Variants in SLMAP observed in about 807,000 individuals in gnomAD.
SLMAP encodes sarcolemmal membrane-associated protein.
A neutral mutation model predicts 128.8 loss-of-function variants in SLMAP; 44 were observed. The observed-to-expected ratio is 0.34, with a 90% CI of 0.27 to 0.44. The LOEUF is 0.44. SLMAP is among the 20% of genes least tolerant of loss of function. The pLI is 1.00. For missense variants in SLMAP, 787 were observed against 985.3 expected (o/e 0.80, Z 2.69); for synonymous variants, 327 against 348.8 (o/e 0.94, Z 0.70).
chr3:57,791,249 A>G (rs1255357858), intron 2 of SLMAP, among the ~76,000 whole-genome samples: 2 of 152,098 alleles, frequency 1.3e-5, no homozygotes, highest in East Asian at 1.9e-4. Flanking sequence ...AATTCCAGCT[A>G]CTTGGGAGGT....
At chr3:57,869,662 T>TATATATATATATATA (rs1560338689) in intron 13 of SLMAP, among the ~76,000 whole-genome samples, 5 of 113,372 alleles carry the variant, frequency 4.4e-5, no homozygotes, top group East Asian at 5.9e-4. Flanking sequence ...ATATATATAA[T>TATATATATATATATA]ATATATAAAC....
At chr3:57,803,472 CTG>C (rs1480339596) in intron 2 of SLMAP, among the ~76,000 whole-genome samples, 1 of 152,152 alleles carries the variant, frequency 6.6e-6, no homozygotes, top group African/African-American at 2.4e-5. Flanking sequence ...TTGGTCTAGT[CTG>C]TGTGCCAAGC....
chr3:57,909,047 A>G (rs1329062643), intron 18 of SLMAP, 29 bp from the exon 19 acceptor site: 2 of 1,488,630 alleles, frequency 1.3e-6, no homozygotes, highest in East Asian at 4.5e-5. Context: ...TCACAAAACT[A>G]TTAATAGATA....
intron 6 of SLMAP, 71 bp from the exon 7 acceptor site, chr3:57,857,662 T>C (rs1392112726): frequency 2.0e-6 from 2 of 1,002,866 alleles, no homozygotes; most frequent in African/African-American, 3.2e-5. Context: ...TAGAATATGC[T>C]GAAAATTGAT....
chr3:57,826,341 TC>T (rs1311746611), intron 2 of SLMAP, among the ~76,000 whole-genome samples: 1 of 152,200 alleles, frequency 6.6e-6, no homozygotes, highest in African/African-American at 2.4e-5. Flanking sequence ...AAGATACTAT[TC>T]TGCTCCTTAT....
rs564031330 is a variant in SLMAP, at chr3:57,887,507, C to A, written c.1301-2534C>A. ...CATTACAGGCATGAGCCACCATGCC[C>A]AGCCAAGCCATGAAATCTTAATGGC... is the stretch of plus-strand genomic sequence containing the variant. On this transcript the variant is annotated intron_variant, in intron 14 of 24. Transcript: ENST00000671191. Among the ~76,000 whole-genome samples, 9 of 152,262 alleles carry A rather than the reference C, an allele frequency of 5.9e-5. No homozygotes were observed. In the South Asian group the frequency reaches 1.9e-3, roughly 32 times the overall value.
chr3:57,854,610 A>G (rs2094681463), intron 6 of SLMAP, among the ~76,000 whole-genome samples: 1 of 152,166 alleles, frequency 6.6e-6, no homozygotes. Context: ...AAATAAAACA[A>G]AAATGTATAC....
chr3:57,846,089 C>A (rs1489447758), intron 4 of SLMAP, among the ~76,000 whole-genome samples: 1 of 152,200 alleles, frequency 6.6e-6, no homozygotes, highest in Non-Finnish European at 1.5e-5. Context: ...ATCCGCCCAC[C>A]TTGGCCTCCC....
intron 2 of SLMAP, among the ~76,000 whole-genome samples, chr3:57,802,278 G>A (rs1210420573): frequency 6.6e-6 from 1 of 150,424 alleles, no homozygotes; most frequent in South Asian, 2.1e-4. Flanking sequence ...TGCTCTTTGT[G>A]TGCTTTTTTT....
At chr3:57,766,584 T>TA (rs1321701034) in intron 2 of SLMAP, among the ~76,000 whole-genome samples, 1 of 152,194 alleles carries the variant, frequency 6.6e-6, no homozygotes. Context: ...GATAAATAGT[T>TA]ACACCTTTGC....
chr3:57,838,032 G>A (rs2093723203), intron 3 of SLMAP, among the ~76,000 whole-genome samples: 1 of 152,076 alleles, frequency 6.6e-6, no homozygotes, highest in Admixed American at 6.5e-5. Flanking sequence ...TCATAGATTT[G>A]CGCATCAGCT....
At chr3:57,816,401 C>G (rs572188649) in intron 2 of SLMAP, among the ~76,000 whole-genome samples, 2 of 152,268 alleles carry the variant, frequency 1.3e-5, no homozygotes, top group Admixed American at 6.5e-5. Context: ...ACCTTGGCCT[C>G]CCAAAGTGCT....
chr3:57,793,043 G>T (rs974946068), intron 2 of SLMAP, among the ~76,000 whole-genome samples: 1 of 152,164 alleles, frequency 6.6e-6, no homozygotes, highest in Non-Finnish European at 1.5e-5. Context: ...GGAGGCTGAA[G>T]TGGGAGGATC....
Position 57,841,327 on chromosome 3 carries a change from A to G in SLMAP, c.375A>G (p.Ile125Met). 6.2e-7 allele frequency: 1 copy of G among 1,609,478 alleles called. No individual in the cohort carries two copies. The highest frequency in any genetic ancestry group is 8.5e-7 in the Non-Finnish European group (1 of 1,176,968). ...CCCATGGGTGTATTGTTTCCACAAT[A>G]AAACTTTTTCTACCAGATGGTATGG... ...KVTHGCIVST[I>M]KLFLPDGMEA... The change falls in exon 4 of 25, where the codon ATA becomes ATG. Residue 125 changes from isoleucine (I) to methionine (M), a missense_variant. Coordinates refer to ENST00000671191, the MANE Select transcript of SLMAP (RefSeq NM_001377540.1).
intron 17 of SLMAP, among the ~76,000 whole-genome samples, chr3:57,906,262 G>A (rs1002098071): frequency 7.5e-6 from 1 of 133,222 alleles, no homozygotes; most frequent in Non-Finnish European, 1.6e-5. Flanking sequence ...GAATTGATAA[G>A]TTGACTAGAG....
chr3:57,775,066 T>G, intron 2 of SLMAP, among the ~76,000 whole-genome samples: 1 of 152,040 alleles, frequency 6.6e-6, no homozygotes, highest in Non-Finnish European at 1.5e-5. Flanking sequence ...TTTTCTTTTT[T>G]TTTTTTGAGA....
intron 14 of SLMAP, among the ~76,000 whole-genome samples, chr3:57,885,095 G>T (rs949941814): frequency 6.9e-6 from 1 of 145,946 alleles, no homozygotes; most frequent in African/African-American, 2.5e-5. Flanking sequence ...TTTTTGAAAC[G>T]GAGTTTCGCT....
chr3:57,854,522 C>T (rs763617553), intron 6 of SLMAP, among the ~76,000 whole-genome samples: 40 of 152,138 alleles, frequency 2.6e-4, no homozygotes, highest in Non-Finnish European at 4.7e-4. Context: ...TGCTTGAACG[C>T]GGGAGGTGGA....
intron 2 of SLMAP, among the ~76,000 whole-genome samples, chr3:57,802,100 T>C (rs1406481699): frequency 6.6e-6 from 1 of 152,196 alleles, no homozygotes; most frequent in Non-Finnish European, 1.5e-5. Flanking sequence ...ATTCACCTAT[T>C]ATAAATGTAA....
Sources: gnomAD v4.1 joint callset for allele counts (sites outside exome capture counted in the v4.1 genomes callset) on GRCh38, gnomAD v4.1.1 for gene constraint, MANE v1.5 for transcripts, NCBI Gene and HGNC (gene_info 2026-07-23, HGNC 2026-07-21) for gene names.